GPC5: variants seen among roughly 807,000 people sequenced by gnomAD.
The protein encoded by GPC5 is glypican 5, also known as glypican-5.
GPC5 carries 47 observed loss-of-function variants against 53.9 expected under a neutral mutation model. The observed-to-expected ratio is 0.87, with a 90% CI of 0.69 to 1.11. The LOEUF (loss-of-function observed/expected upper bound fraction) is 1.11. GPC5 is among the 50% of genes most tolerant of loss of function. The pLI is 0.00. For missense variants in GPC5, 748 were observed against 713.1 expected (o/e 1.05, Z -0.56); for synonymous variants, 286 against 263.3 (o/e 1.09, Z -0.84).
chr13:91,498,764 G>C (rs1884449672), intron 2 of GPC5, among the ~76,000 whole-genome samples: 1 of 152,152 alleles, frequency 6.6e-6, no homozygotes, highest in African/African-American at 2.4e-5. Flanking sequence ...TGAGGTCAAA[G>C]TTCAAGACCA....
At chr13:91,581,654 T>A (rs1181489138) in intron 2 of GPC5, among the ~76,000 whole-genome samples, 4 of 152,222 alleles carry the variant, frequency 2.6e-5, no homozygotes. Flanking sequence ...GTAATTTCAA[T>A]CCTGCACAAT....
intron 7 of GPC5, among the ~76,000 whole-genome samples, chr13:92,444,920 G>C (rs1877736385): frequency 6.6e-6 from 1 of 152,066 alleles, no homozygotes; most frequent in Non-Finnish European, 1.5e-5. Flanking sequence ...AGATGTGGCA[G>C]TTAGAAAAAT....
rs979126532 is a variant in GPC5 at position 92,592,761 on chromosome 13, A to G, written c.1562-273521A>G. On this transcript the variant is annotated intron_variant, in intron 7 of 7. Transcript: ENST00000377067. ...GGTCAGAGATAAATAGTAATTACAAAAAGTCCGAAGATTGGAACAAGTATG... is the reference window on the plus strand; with the variant it reads ...GGTCAGAGATAAATAGTAATTACAAGAAGTCCGAAGATTGGAACAAGTATG... Among the ~76,000 whole-genome samples, 19 of 151,342 alleles carry G rather than the reference A, an allele frequency of 1.3e-4. 1 individual carries two copies. Among genetic ancestry groups the G allele is most frequent in the Middle Eastern group, 3.5e-3 (1 of 288 alleles).
chr13:92,515,125 A>G (rs1479107596), intron 7 of GPC5, among the ~76,000 whole-genome samples: 3 of 152,200 alleles, frequency 2.0e-5, no homozygotes, highest in African/African-American at 7.2e-5. Context: ...ACTAGATGAT[A>G]TATTTGCAGA....
intron 7 of GPC5, among the ~76,000 whole-genome samples, chr13:92,702,885 G>T (rs546709023): frequency 6.6e-6 from 1 of 151,578 alleles, no homozygotes; most frequent in African/African-American, 2.4e-5. Flanking sequence ...AGCACCACTG[G>T]TCTCCTTGGC....
rs2042959805 is a variant in GPC5, at chr13:92,286,946, G to T, written c.1561+141957G>T. Among the ~76,000 whole-genome samples, 3 of 152,274 alleles carry T rather than the reference G, an allele frequency of 2.0e-5. No individual in the cohort carries two copies. The East Asian group carries it at 5.8e-4, about 29-fold the overall frequency. ...TGAAAATACACGGAAGAAAAACCATGTGTAGGTACAAGATGGCCATATGCA... is the reference window on the plus strand; with the variant it reads ...TGAAAATACACGGAAGAAAAACCATTTGTAGGTACAAGATGGCCATATGCA... On this transcript the variant is annotated intron_variant, in intron 7 of 7. Coordinates refer to ENST00000377067, the MANE Select transcript of GPC5 (RefSeq NM_004466.6).
At chr13:91,542,018 A>ATATTAATTAATATT (rs2029967330) in intron 2 of GPC5, among the ~76,000 whole-genome samples, 1 of 32,912 alleles carries the variant, frequency 3.0e-5, no homozygotes, top group South Asian at 3.1e-3. Flanking sequence ...TGAGCTCTTA[A>ATATTAATTAATATT]TATTAATTAA....
rs535680918 is a variant in GPC5 at position 92,520,713 on chromosome 13, A to G, written c.1562-345569A>G. 6.6e-5 allele frequency among the ~76,000 whole-genome samples: 10 copies of G among 152,238 alleles called. No individual in the cohort carries two copies. The South Asian group carries it at 1.0e-3, about 16-fold the overall frequency. On this transcript the variant is annotated intron_variant, in intron 7 of 7. Transcript: ENST00000377067. ...CAAACTGGAAGCATTCCCTTGGAAA[A>G]CTGGCACAAGACAGGGATGCCCTCT...
At chr13:92,356,328 G>A (rs1295889302) in intron 7 of GPC5, among the ~76,000 whole-genome samples, 1 of 152,070 alleles carries the variant, frequency 6.6e-6, no homozygotes, top group Non-Finnish European at 1.5e-5. Context: ...GGGCATTGTC[G>A]GCCCTATTAA....
intron 7 of GPC5, among the ~76,000 whole-genome samples, chr13:92,627,606 G>A (rs942171161): frequency 3.9e-5 from 6 of 152,106 alleles, no homozygotes; most frequent in African/African-American, 1.4e-4. Context: ...ACAGGCATTA[G>A]CAATAAAACC....
chr13:91,708,351 A>T (rs2036154072), intron 3 of GPC5, among the ~76,000 whole-genome samples: 1 of 152,132 alleles, frequency 6.6e-6, no homozygotes, highest in African/African-American at 2.4e-5. Flanking sequence ...GGAGTCCAGA[A>T]AGCTGATGCC....
At chr13:92,638,014 C>A (rs1885467045) in intron 7 of GPC5, among the ~76,000 whole-genome samples, 1 of 151,862 alleles carries the variant, frequency 6.6e-6, no homozygotes, top group South Asian at 2.1e-4. Context: ...AGTAAAAAAA[C>A]AGTGAATGTA....
chr13:92,474,838 A>G (rs1443500050), intron 7 of GPC5, among the ~76,000 whole-genome samples: 1 of 152,128 alleles, frequency 6.6e-6, no homozygotes, highest in African/African-American at 2.4e-5. Context: ...CAAAGTGAAG[A>G]AGACAGGAAG....
chr13:92,520,202 A>G (rs927038188), intron 7 of GPC5, among the ~76,000 whole-genome samples: 3 of 152,198 alleles, frequency 2.0e-5, no homozygotes, highest in Admixed American at 6.5e-5. Flanking sequence ...CCAGAGGTAC[A>G]AGGAGGAGCT....
intron 7 of GPC5, among the ~76,000 whole-genome samples, chr13:92,421,124 C>T (rs2139362017): frequency 6.6e-6 from 1 of 152,318 alleles, no homozygotes; most frequent in Admixed American, 6.5e-5. Context: ...GAAGTACATG[C>T]TTTAATGACA....
chr13:91,480,687 C>T (rs943080908), intron 2 of GPC5, among the ~76,000 whole-genome samples: 6 of 152,180 alleles, frequency 3.9e-5, no homozygotes, highest in Non-Finnish European at 5.9e-5. Context: ...CTAGCTTGGA[C>T]ACACCTTATT....
At chr13:92,392,549 A>C (rs1193821763) in intron 7 of GPC5, among the ~76,000 whole-genome samples, 1 of 152,218 alleles carries the variant, frequency 6.6e-6, no homozygotes, top group Non-Finnish European at 1.5e-5. Context: ...AGAAATTGAC[A>C]AGTGGGATCT....
intron 7 of GPC5, among the ~76,000 whole-genome samples, chr13:92,173,974 A>T (rs2042088997): frequency 6.6e-6 from 1 of 151,624 alleles, no homozygotes; most frequent in East Asian, 2.0e-4. Context: ...GTGTGGTGGC[A>T]CCCACCTGTA....
At chr13:92,582,179 T>C (rs1883394546) in intron 7 of GPC5, among the ~76,000 whole-genome samples, 1 of 152,142 alleles carries the variant, frequency 6.6e-6, no homozygotes, top group Non-Finnish European at 1.5e-5. Context: ...TAGTTTTTGG[T>C]ATTAGGGTTA....
Sources: allele counts gnomAD v4.1 joint callset (sites outside exome capture counted in the v4.1 genomes callset), GRCh38; gene constraint gnomAD v4.1.1; transcripts MANE v1.5; gene names NCBI Gene and HGNC (gene_info 2026-07-23, HGNC 2026-07-21).